The following FRMD4A variants were observed in gnomAD, a reference collection of about 807,000 sequenced individuals.
The protein encoded by FRMD4A is FERM domain containing 4A.
In FRMD4A, 29 loss-of-function variants were observed where a neutral mutation model predicts 129.1. The observed-to-expected ratio is 0.22, with a 90% CI of 0.17 to 0.31. The LOEUF (loss-of-function observed/expected upper bound fraction) is 0.31, where lower values mean the gene tolerates loss of function less well. FRMD4A is among the 10% of genes least tolerant of loss of function. The pLI is 1.00. For missense variants in FRMD4A, 1,272 were observed against 1,375.8 expected (o/e 0.92, Z 1.19); for synonymous variants, 634 against 571.6 (o/e 1.11, Z -1.56).
intron 2 of FRMD4A, among the ~76,000 whole-genome samples, chr10:14,091,582 G>A (rs941214883): frequency 2.0e-5 from 3 of 152,008 alleles, no homozygotes; most frequent in Admixed American, 2.0e-4. Context: ...TACAGGCATG[G>A]GCCACCATGC....
chr10:14,251,282 G>A (rs1196730402), intron 2 of FRMD4A, among the ~76,000 whole-genome samples: 1 of 152,144 alleles, frequency 6.6e-6, no homozygotes, highest in African/African-American at 2.4e-5. Flanking sequence ...TTTCTGTCTG[G>A]GGTGTGCTCT....
chr10:13,981,738 CAAAAAAAAAAAAAAAAA>C (rs55829400), intron 2 of FRMD4A, among the ~76,000 whole-genome samples: 1 of 97,656 alleles, frequency 1.0e-5, no homozygotes. Context: ...GACTCCGTGT[CAAAAAAAAAAAAAAAAA>C]AAAAAAAAAA....
At chr10:14,014,608 CT>C (rs1190819028) in intron 2 of FRMD4A, among the ~76,000 whole-genome samples, 2 of 152,210 alleles carry the variant, frequency 1.3e-5, no homozygotes, top group East Asian at 3.9e-4. Flanking sequence ...CCATAATTTT[CT>C]GTTTGAAAAC....
chr10:14,198,056 T>C (rs1564380684), intron 2 of FRMD4A, among the ~76,000 whole-genome samples: 1 of 152,304 alleles, frequency 6.6e-6, no homozygotes, highest in East Asian at 1.9e-4. Flanking sequence ...CACATCCTAG[T>C]AGGAAACATG....
intron 2 of FRMD4A, among the ~76,000 whole-genome samples, chr10:14,305,196 C>T (rs1373775039): frequency 6.6e-6 from 1 of 152,206 alleles, no homozygotes; most frequent in Non-Finnish European, 1.5e-5. Flanking sequence ...TTTAGGTCCA[C>T]AGAAATGCTC....
At chr10:13,972,201 T>C in intron 2 of FRMD4A, 2 of 1,016,564 alleles carry the variant, frequency 2.0e-6, no homozygotes, top group Non-Finnish European at 2.4e-6. Context: ...CACCACCGAG[T>C]GTTGGGATCC....
intron 2 of FRMD4A, among the ~76,000 whole-genome samples, chr10:14,039,375 C>CTATCTATCT (rs1565204315): frequency 1.7e-5 from 2 of 115,900 alleles, no homozygotes; most frequent in African/African-American, 7.8e-5. Flanking sequence ...TCCGTCCATC[C>CTATCTATCT]ATCCATCCAT....
At chr10:14,116,913 G>C (rs1308590322) in intron 2 of FRMD4A, among the ~76,000 whole-genome samples, 1 of 152,090 alleles carries the variant, frequency 6.6e-6, no homozygotes, top group African/African-American at 2.4e-5. Context: ...GTGCTTTCTT[G>C]GTTTGTTTTT....
intron 2 of FRMD4A, among the ~76,000 whole-genome samples, chr10:13,931,264 G>A (rs2095191640): frequency 6.6e-6 from 1 of 152,180 alleles, no homozygotes; most frequent in South Asian, 2.1e-4. Flanking sequence ...GCTAAGTCAA[G>A]GCCAAGGCAG....
At chr10:13,927,897 T>G (rs1203257184) in intron 2 of FRMD4A, among the ~76,000 whole-genome samples, 1 of 152,248 alleles carries the variant, frequency 6.6e-6, no homozygotes, top group Non-Finnish European at 1.5e-5. Flanking sequence ...ATATTATTTT[T>G]AGAGTCCATT....
chr10:13,925,204 G>A (rs2131269146), intron 2 of FRMD4A, among the ~76,000 whole-genome samples: 1 of 152,266 alleles, frequency 6.6e-6, no homozygotes, highest in Non-Finnish European at 1.5e-5. Flanking sequence ...CAGGGATGGT[G>A]GGGTTATCCC....
rs561508734 is a variant in FRMD4A, at chr10:13,948,799, G to A, written c.46-89887C>T. 1.4e-4 allele frequency among the ~76,000 whole-genome samples: 21 copies of A among 151,630 alleles called. No individual in the cohort carries two copies. In the South Asian group the frequency reaches 3.1e-3, roughly 23 times the overall value. ...CCCTAGTAGCTGGGACTACAGGTGC[G>A]CACCATCATACCCAGCTAATTTTTG... On this transcript the variant is annotated intron_variant, in intron 2 of 24. Coordinates refer to ENST00000357447, the MANE Select transcript of FRMD4A (RefSeq NM_018027.5).
intron 2 of FRMD4A, among the ~76,000 whole-genome samples, chr10:14,025,068 T>G (rs180896001): frequency 6.6e-6 from 1 of 152,232 alleles, no homozygotes; most frequent in Non-Finnish European, 1.5e-5. Flanking sequence ...CATAGTCTTG[T>G]GAAAAACAAG....
chr10:14,059,310 A>T (rs769299989), intron 2 of FRMD4A, among the ~76,000 whole-genome samples: 1 of 152,228 alleles, frequency 6.6e-6, no homozygotes, highest in Non-Finnish European at 1.5e-5. Context: ...TGCTCCTTCA[A>T]TACAATTCCT....
chr10:13,921,254 C>CTTTCTCTCTT (rs372250421), intron 2 of FRMD4A, among the ~76,000 whole-genome samples: 2 of 5,312 alleles, frequency 3.8e-4, no homozygotes, highest in African/African-American at 1.1e-3. Flanking sequence ...CTCTTTCTCT[C>CTTTCTCTCTT]TCTCTCTCTC....
intron 2 of FRMD4A, among the ~76,000 whole-genome samples, chr10:14,146,213 A>G (rs1171542426): frequency 6.6e-6 from 1 of 152,198 alleles, no homozygotes; most frequent in African/African-American, 2.4e-5. Flanking sequence ...TACAACAAAC[A>G]TCTGCTCCTG....
intron 2 of FRMD4A, among the ~76,000 whole-genome samples, chr10:14,311,499 A>G (rs952291474): frequency 6.6e-6 from 1 of 152,018 alleles, no homozygotes; most frequent in African/African-American, 2.4e-5. Context: ...AGTATGTCCA[A>G]TTCATTTTAT....
chr10:13,936,894 C>G (rs1442340992), intron 2 of FRMD4A, among the ~76,000 whole-genome samples: 1 of 152,212 alleles, frequency 6.6e-6, no homozygotes, highest in Non-Finnish European at 1.5e-5. Flanking sequence ...ACATGGCACA[C>G]TCGTGTTAAC....
At chr10:13,705,215 A>T (rs967070559) in intron 13 of FRMD4A, among the ~76,000 whole-genome samples, 3 of 152,072 alleles carry the variant, frequency 2.0e-5, no homozygotes, top group Non-Finnish European at 4.4e-5. Flanking sequence ...CATGACATTG[A>T]TCACTGCTGT....
Sources: gnomAD v4.1 joint callset for allele counts (sites outside exome capture counted in the v4.1 genomes callset) on GRCh38, gnomAD v4.1.1 for gene constraint, MANE v1.5 for transcripts, NCBI Gene and HGNC (gene_info 2026-07-23, HGNC 2026-07-21) for gene names.